Variants in DLC1 observed in about 807,000 individuals in gnomAD.
The protein encoded by DLC1 is rho GTPase-activating protein 7.
Under a neutral mutation model 140.3 loss-of-function variants are expected in DLC1, and 54 were observed. The ratio of observed to expected loss-of-function variants is 0.38; its 90% confidence interval spans 0.31 to 0.48. DLC1 has a LOEUF of 0.48. DLC1 is among the 20% of genes least tolerant of loss of function. DLC1 has a pLI of 0.96. For synonymous variants in DLC1, 986 were observed against 728.1 expected (o/e 1.35, Z -5.70); for missense variants, 2,536 against 1,907.0 (o/e 1.33, Z -6.14).
At chr8:13,417,468 T>C (rs1466434653) in intron 2 of DLC1, among the ~76,000 whole-genome samples, 1 of 151,686 alleles carries the variant, frequency 6.6e-6, no homozygotes, top group African/African-American at 2.4e-5. Flanking sequence ...TGTTTGGTTT[T>C]TTTGTCCTTG....
intron 2 of DLC1, among the ~76,000 whole-genome samples, chr8:13,457,183 A>G (rs1049095592): frequency 7.2e-5 from 11 of 152,160 alleles, no homozygotes; most frequent in Non-Finnish European, 1.5e-4. Flanking sequence ...CCGTGCTCAC[A>G]ATGAGTGTTT....
At chr8:13,169,918 G>A (rs1443438827) in intron 5 of DLC1, among the ~76,000 whole-genome samples, 4 of 151,968 alleles carry the variant, frequency 2.6e-5, no homozygotes, top group Non-Finnish European at 5.9e-5. Context: ...TACTGTGGAG[G>A]CTGAGATGGG....
In DLC1 at chr8:13,099,862, G is replaced by A. The variant is rs986337298; in HGVS notation, c.2475C>T (p.Gly825=). The A allele has an allele frequency of 2.5e-6, 4 of 1,614,210 alleles. No homozygotes were observed. In the Admixed American group the frequency reaches 5.0e-5, roughly 20 times the overall value. The change falls in exon 9 of 18, where the codon GGC becomes GGT. Residue 825 remains glycine (G), a synonymous_variant. Coordinates refer to ENST00000276297, the MANE Select transcript of DLC1 (RefSeq NM_182643.3). ...PGTFPKALTN[G]SFSPSGNNGS... is the part of the protein sequence containing the mutation. ...CGTTATTCCCCGAGGGGGAGAAACT[G>A]CCATTGGTGAGAGCTTTGGGGAAAG...
chr8:13,187,280 C>G (rs1409749425), intron 5 of DLC1, among the ~76,000 whole-genome samples: 1 of 152,136 alleles, frequency 6.6e-6, no homozygotes, highest in East Asian at 1.9e-4. Context: ...ATTTGATCTG[C>G]TTTAGTCACT....
At chr8:13,405,969 C>CTTTA (rs1563320896) in intron 2 of DLC1, among the ~76,000 whole-genome samples, 1 of 85,046 alleles carries the variant, frequency 1.2e-5, no homozygotes, top group Non-Finnish European at 2.5e-5. Flanking sequence ...TTCTTTCTTT[C>CTTTA]TTTCATCTCT....
chr8:13,520,468 T>C lies in DLC1; in HGVS notation c.-125-20272A>G, dbSNP rs367823126. ...GAGGGGAACATCACACACTGGAGCCTGTAGGGGGTTGGGGGCTAGGGGAGG... is the reference window on the plus strand; with the variant it reads ...GAGGGGAACATCACACACTGGAGCCCGTAGGGGGTTGGGGGCTAGGGGAGG... On this transcript the variant is annotated intron_variant, in intron 1 of 1. Transcript: ENST00000631382. Among the ~76,000 whole-genome samples, 80 of 151,666 alleles carry C rather than the reference T, an allele frequency of 5.3e-4. 2 individuals carry two copies. In the East Asian group the frequency reaches 6.1e-3, roughly 12 times the overall value.
chr8:13,252,626 G>A (rs1830057629), intron 5 of DLC1, among the ~76,000 whole-genome samples: 2 of 152,180 alleles, frequency 1.3e-5, no homozygotes, highest in Admixed American at 1.3e-4. Flanking sequence ...AGAAGGGACT[G>A]TTTAGAAATC....
intron 6 of DLC1, among the ~76,000 whole-genome samples, chr8:13,112,483 A>G (rs1234662090): frequency 6.6e-6 from 1 of 152,196 alleles, no homozygotes; most frequent in Non-Finnish European, 1.5e-5. Flanking sequence ...AGACCAAGGA[A>G]GTGGCTATAG....
At chr8:13,438,473 G>A (rs938369443) in intron 2 of DLC1, among the ~76,000 whole-genome samples, 1 of 151,980 alleles carries the variant, frequency 6.6e-6, no homozygotes, top group Non-Finnish European at 1.5e-5. Flanking sequence ...GTCAGTTCAC[G>A]TTACTTCTCT....
At chr8:13,403,952 T>C (rs1016735385) in intron 2 of DLC1, among the ~76,000 whole-genome samples, 1 of 151,802 alleles carries the variant, frequency 6.6e-6, no homozygotes, top group East Asian at 1.9e-4. Flanking sequence ...TTAATGCATA[T>C]TGTGAATCAA....
intron 5 of DLC1, among the ~76,000 whole-genome samples, chr8:13,177,407 C>G (rs1324962859): frequency 6.6e-6 from 1 of 152,070 alleles, no homozygotes; most frequent in Non-Finnish European, 1.5e-5. Context: ...ATTCCAGGAA[C>G]TATAGAGAAC....
intron 1 of DLC1, among the ~76,000 whole-genome samples, chr8:13,602,167 G>GTTTAA (rs1805910220): frequency 6.6e-6 from 1 of 151,760 alleles, no homozygotes; most frequent in African/African-American, 2.4e-5. Flanking sequence ...CCATGGTATT[G>GTTTAA]CAATCAGCAA....
chr8:13,318,809 T>C (rs1832965166), intron 4 of DLC1, among the ~76,000 whole-genome samples: 1 of 152,204 alleles, frequency 6.6e-6, no homozygotes, highest in South Asian at 2.1e-4. Flanking sequence ...GGCTGAACCT[T>C]CCCTCTCTTC....
chr8:13,485,714 C>G (rs1407238711), intron 2 of DLC1, among the ~76,000 whole-genome samples: 1 of 152,226 alleles, frequency 6.6e-6, no homozygotes, highest in Non-Finnish European at 1.5e-5. Flanking sequence ...CACTTATTCT[C>G]TAACAGAAGA....
At chr8:13,145,408 T>A (rs1030092815) in intron 5 of DLC1, among the ~76,000 whole-genome samples, 4 of 152,244 alleles carry the variant, frequency 2.6e-5, no homozygotes, top group Admixed American at 2.6e-4. Context: ...AAGTTCTCCA[T>A]GAGAACTCGT....
chr8:13,288,472 C>T (rs1831621862), intron 5 of DLC1, among the ~76,000 whole-genome samples: 1 of 152,208 alleles, frequency 6.6e-6, no homozygotes, highest in South Asian at 2.1e-4. Flanking sequence ...GTGCCTCATG[C>T]ATTTCCCAGT....
chr8:13,165,727 C>T (rs1026189026), intron 5 of DLC1, among the ~76,000 whole-genome samples: 4 of 152,176 alleles, frequency 2.6e-5, no homozygotes, highest in African/African-American at 7.2e-5. Context: ...CCTGTATTCC[C>T]CTACTCTGGT....
chr8:13,536,336 G>C (rs1216621221), intron 1 of DLC1, among the ~76,000 whole-genome samples: 1 of 152,194 alleles, frequency 6.6e-6, no homozygotes, highest in African/African-American at 2.4e-5. Flanking sequence ...TCTAAGGTTA[G>C]ATAATCACAA....
chr8:13,418,420 G>C lies in DLC1; in HGVS notation c.1024-16801C>G, dbSNP rs1208502949. Among the ~76,000 whole-genome samples, 4 of 152,220 alleles carry C rather than the reference G, an allele frequency of 2.6e-5. No individual in the cohort carries two copies. In the East Asian group the frequency reaches 7.7e-4, roughly 29 times the overall value. On this transcript the variant is annotated intron_variant, in intron 2 of 17. Transcript: ENST00000276297. Reference sequence around the variant, plus strand: ...GGTGTAAGGAAGGGATCCAGTTTCAGCTTTCTACATAAGGCTAGCCAGTTT... The same window carrying C: ...GGTGTAAGGAAGGGATCCAGTTTCACCTTTCTACATAAGGCTAGCCAGTTT...
Sources: gnomAD v4.1 joint callset for allele counts (sites outside exome capture counted in the v4.1 genomes callset) on GRCh38, gnomAD v4.1.1 for gene constraint, MANE v1.5 for transcripts, NCBI Gene and HGNC (gene_info 2026-07-23, HGNC 2026-07-21) for gene names.